Variants in TUBA8 observed in about 807,000 individuals in gnomAD.
The protein encoded by TUBA8 is tubulin alpha-8 chain.
TUBA8 carries 29 observed loss-of-function variants against 34.7 expected under a neutral mutation model. The observed-to-expected ratio is 0.84, with a 90% CI of 0.62 to 1.14. TUBA8 has a LOEUF of 1.14. Ranked by LOEUF, TUBA8 falls within the 50% of genes most tolerant of loss-of-function variation. TUBA8 has a pLI of 0.00. For missense variants in TUBA8, 541 were observed against 599.2 expected (o/e 0.90, Z 1.01); for synonymous variants, 226 against 231.2 (o/e 0.98, Z 0.21).
chr22:18,123,988 C>T, intron 2 of TUBA8, 168 bp from the exon 3 acceptor site: 2 of 793,384 alleles, frequency 2.5e-6, no homozygotes, highest in Non-Finnish European at 4.2e-6. Flanking sequence ...CCCTGAGCTA[C>T]CCGGGAATTC....
rs1484805330 is a variant in TUBA8 at position 18,119,697 on chromosome 22, G to A, written c.4-1782G>A. On this transcript the variant is annotated intron_variant, in intron 1 of 4. Coordinates refer to ENST00000330423, the MANE Select transcript of TUBA8 (RefSeq NM_018943.3). The surrounding 1 kb of genome is among the most constrained non-coding windows in gnomAD (Gnocchi z 5.9). ...CAGCTGTAGCACAGAGACAGGACTA[G>A]AGTGGGGGCACAGTTGTAAAATTGA... The A allele has an allele frequency of 6.6e-6, 1 of 152,510 alleles. No individual in the cohort carries two copies. The highest frequency in any genetic ancestry group is 1.5e-5 in the Non-Finnish European group (1 of 68,270). 9.4% of individuals were successfully genotyped at this position (152,510 alleles called of 1,614,324 possible).
In TUBA8 at chr22:18,121,674, A is replaced by T. The variant is rs746620644; in HGVS notation, c.199A>T (p.Met67Leu). The T allele has an allele frequency of 7.4e-6, 12 of 1,614,096 alleles. No homozygotes were observed. Among genetic ancestry groups the T allele is most frequent in the Non-Finnish European group, 1.0e-5 (12 of 1,180,038 alleles). ...GNGKHVPRAV[M>L]IDLEPTVVDE... is the part of the protein sequence containing the mutation. ...TGGGAAGCATGTGCCCCGGGCCGTC[A>T]TGATAGATCTGGAGCCTACTGTAGT... Residue 67 changes from methionine (M) to leucine (L), a missense_variant, in exon 2 of 5, where the codon ATG becomes TTG. Coordinates refer to ENST00000330423, the MANE Select transcript of TUBA8 (RefSeq NM_018943.3). The surrounding 1 kb of genome is among the most constrained non-coding windows in gnomAD (Gnocchi z 4.8).
chr22:18,126,423 T>C lies in TUBA8; in HGVS notation c.445T>C (p.Phe149Leu), dbSNP rs887982530. 21 of 1,613,964 alleles carry C rather than the reference T, an allele frequency of 1.3e-5. No homozygotes were observed. The highest frequency in any genetic ancestry group is 1.7e-5 in the Non-Finnish European group (20 of 1,180,014). The change falls in exon 4 of 5, where the codon TTC becomes CTC. Residue 149 changes from phenylalanine (F) to leucine (L), a missense_variant. Phe to Leu is a conservative substitution (Grantham distance 22). Coordinates refer to ENST00000330423, the MANE Select transcript of TUBA8 (RefSeq NM_018943.3). This position sits in a 1 kb window ranked among gnomAD's most constrained non-coding sequence, Gnocchi z 4.0. ...HSFGGGTGSG[F>L]TSLLMERLSL... ...TTTTGGTGGGGGCACTGGCTCCGGCTTCACTTCTCTGCTGATGGAACGCCT... is the reference window on the plus strand; with the variant it reads ...TTTTGGTGGGGGCACTGGCTCCGGCCTCACTTCTCTGCTGATGGAACGCCT...
Position 18,111,006 on chromosome 22 carries a change from C to A in TUBA8, c.3+138C>A. 7.6e-7 allele frequency: 1 copy of A among 1,320,822 alleles called. No homozygotes were observed. Among genetic ancestry groups the A allele is most frequent in the Middle Eastern group, 2.5e-4 (1 of 3,938 alleles). 81.8% of individuals were successfully genotyped at this position (1,320,822 alleles called of 1,614,324 possible). A position where few individuals can be genotyped will look rare whatever the true frequency, so the allele number is the denominator to read the frequency against. ...CCTTCTGGGGGTGGCAGTTCAGGGT[C>A]GAGGAGTCCGCACCCTCGGGCGGGA... On this transcript the variant is annotated intron_variant, in intron 1 of 4. Transcript: ENST00000330423. The surrounding 1 kb of genome is among the most constrained non-coding windows in gnomAD (Gnocchi z 5.1).
intron 2 of TUBA8, chr22:18,123,057 C>G (rs1274047339): frequency 7.6e-6 from 1 of 131,736 alleles, no homozygotes; most frequent in Non-Finnish European, 1.5e-5. Flanking sequence ...TTGCAGTGAG[C>G]CGAGATCGCG....
intron 4 of TUBA8, chr22:18,127,416 C>T (rs1471948246): frequency 6.4e-5 from 11 of 172,176 alleles, no homozygotes; most frequent in African/African-American, 1.1e-4. Context: ...TTTTTTGAGA[C>T]GGAGTCTCAC....
In TUBA8 at chr22:18,110,940, A is replaced by AG. The variant is rs1357199896; in HGVS notation, c.3+74dup. The AG allele has an allele frequency of 3.8e-4, 582 of 1,533,506 alleles. No individual in the cohort carries two copies. The highest frequency in any genetic ancestry group is 4.8e-4 in the Non-Finnish European group (547 of 1,146,134). The allele number at this position is 1,533,506 out of a possible 1,614,324, so 95.0% of individuals were successfully genotyped here. On this transcript the variant is annotated intron_variant, in intron 1 of 4. Transcript: ENST00000330423. This position sits in a 1 kb window ranked among gnomAD's most constrained non-coding sequence, Gnocchi z 6.2. ...AGGACCGAGAGCCGAGTCTACGCGG[A>AG]GGCGCACGGACCCGTCTTCCTGGAG... is the stretch of plus-strand genomic sequence containing the variant.
In TUBA8 at chr22:18,112,159, A is replaced by G. The variant is rs563947021; in HGVS notation, c.3+1291A>G. The G allele has an allele frequency of 2.0e-5, 3 of 152,274 alleles. No individual in the cohort carries two copies. In the East Asian group the frequency reaches 5.8e-4, roughly 29 times the overall value. The allele number at this position is 152,274 out of a possible 1,614,324, so 9.4% of individuals were successfully genotyped here. Reference sequence around the variant, plus strand: ...CAGGAAGGTCACTTAACCTCTCTGGATGTGTTTGTTTTACCTGCGAAATGA... The same window carrying G: ...CAGGAAGGTCACTTAACCTCTCTGGGTGTGTTTGTTTTACCTGCGAAATGA... On this transcript the variant is annotated intron_variant, in intron 1 of 4. Transcript: ENST00000330423.
intron 4 of TUBA8, chr22:18,128,567 G>C (rs1747170385): frequency 6.6e-6 from 1 of 152,172 alleles, no homozygotes; most frequent in African/African-American, 2.4e-5. Context: ...TTTCCCCTGA[G>C]ATGGAGTCTT....
rs967214736 is a variant in TUBA8 at position 18,126,171 on chromosome 22, A to G, written c.376-183A>G. The G allele has an allele frequency of 7.9e-6, 5 of 629,846 alleles. No homozygotes were observed. The highest frequency in any genetic ancestry group is 1.1e-5 in the Non-Finnish European group (4 of 360,404). The allele number at this position is 629,846 out of a possible 1,614,324, so 39.0% of individuals were successfully genotyped here. On this transcript the variant is annotated intron_variant, in intron 3 of 4. Coordinates refer to ENST00000330423, the MANE Select transcript of TUBA8 (RefSeq NM_018943.3). The surrounding 1 kb of genome is among the most constrained non-coding windows in gnomAD (Gnocchi z 4.0). ...GAGTCACTGTGCCTGGCCCCATCCC[A>G]TATTTTAGCCACTCCTCCAAAGATC...
At chr22:18,112,365 C>T (rs1927838784) in intron 1 of TUBA8, 1 of 152,174 alleles carries the variant, frequency 6.6e-6, no homozygotes, top group Admixed American at 6.5e-5. Flanking sequence ...TATTCCCTCC[C>T]TCCATAATTT....
At chr22:18,120,488 T>C (rs1375098813) in intron 1 of TUBA8, 1 of 152,230 alleles carries the variant, frequency 6.6e-6, no homozygotes, top group Admixed American at 6.5e-5. Flanking sequence ...CTGCGTAGTA[T>C]TCCATGGTGT....
rs1460762211 is a variant in TUBA8 at position 18,131,300 on chromosome 22, A to C, written c.*164A>C. The C allele has an allele frequency of 1.5e-6, 1 of 688,572 alleles. No individual in the cohort carries two copies. Among genetic ancestry groups the C allele is most frequent in the Non-Finnish European group, 2.5e-6 (1 of 404,494 alleles). The allele number at this position is 688,572 out of a possible 1,614,324, so 42.7% of individuals were successfully genotyped here. A position where few individuals can be genotyped will look rare whatever the true frequency, so the allele number is the denominator to read the frequency against. On this transcript the variant is annotated 3_prime_UTR_variant, in exon 5 of 5. Transcript: ENST00000330423. The surrounding 1 kb of genome is among the most constrained non-coding windows in gnomAD (Gnocchi z 5.3). ...AGGGTGGCACGACTGGGCTAAGTGG[A>C]CACTGAGCTTCATCAGGCCCTCCCT...
intron 2 of TUBA8, chr22:18,123,766 G>T (rs988947332): frequency 1.5e-5 from 4 of 272,928 alleles, no homozygotes; most frequent in Admixed American, 4.4e-5. Context: ...GTAGAGATGG[G>T]GTTTCACCGT....
Position 18,124,421 on chromosome 22 carries a change from C to G in TUBA8, c.375+117C>G. 7.8e-7 allele frequency: 1 copy of G among 1,283,074 alleles called. No homozygotes were observed. Among genetic ancestry groups the G allele is most frequent in the Non-Finnish European group, 1.1e-6 (1 of 949,466 alleles). 79.5% of individuals were successfully genotyped at this position (1,283,074 alleles called of 1,614,324 possible). On this transcript the variant is annotated intron_variant, in intron 3 of 4. Transcript: ENST00000330423. The surrounding 1 kb of genome is among the most constrained non-coding windows in gnomAD (Gnocchi z 4.3). ...GACCCCTGGCTATAGGATGGAGCTC[C>G]TAAGGTTTGGGAATTTCTGCTTAAA...
rs1459708539 is a variant in TUBA8, at chr22:18,111,305, G to T, written c.3+437G>T. On this transcript the variant is annotated intron_variant, in intron 1 of 4. Transcript: ENST00000330423. This position sits in a 1 kb window ranked among gnomAD's most constrained non-coding sequence, Gnocchi z 5.1. Reference sequence around the variant, plus strand: ...TCCGAACCCAGCCTAATGTGACAGGGCCCGGAATGTGACAGAGGACCTAGG... The same window carrying T: ...TCCGAACCCAGCCTAATGTGACAGGTCCCGGAATGTGACAGAGGACCTAGG... 4.8e-6 allele frequency: 1 copy of T among 210,288 alleles called. No individual in the cohort carries two copies. Among genetic ancestry groups the T allele is most frequent in the East Asian group, 1.2e-4 (1 of 8,656 alleles). 13.0% of individuals were successfully genotyped at this position (210,288 alleles called of 1,614,324 possible).
chr22:18,127,676 A>AT, intron 4 of TUBA8: 1 of 134,016 alleles, frequency 7.5e-6, no homozygotes, highest in Non-Finnish European at 1.5e-5. Context: ...TACAGGCGTG[A>AT]GCCACTGTGC....
rs1336979210 is a variant in TUBA8 at position 18,124,097 on chromosome 22, G to A, written c.227-59G>A. The A allele has an allele frequency of 3.7e-6, 6 of 1,609,110 alleles. No homozygotes were observed. In the African/African-American group the frequency reaches 5.3e-5, roughly 14 times the overall value. On this transcript the variant is annotated intron_variant, in intron 2 of 4. Transcript: ENST00000330423. The surrounding 1 kb of genome is among the most constrained non-coding windows in gnomAD (Gnocchi z 4.3). ...ACGGAAGGGGTCCTGCGGTAGTGTG[G>A]TAGGGAGGGAGGCTTCTCCCCTGGG...
intron 3 of TUBA8, chr22:18,125,171 T>C (rs183536893): frequency 2.6e-5 from 4 of 152,308 alleles, no homozygotes; most frequent in Admixed American, 2.0e-4. Flanking sequence ...TTTTATTTAA[T>C]TGTCACAATA....
Sources: allele counts gnomAD v4.1 joint callset, GRCh38; gene constraint gnomAD v4.1.1; non-coding constraint Gnocchi (gnomAD v3.1); transcripts MANE v1.5; gene names NCBI Gene and HGNC (gene_info 2026-07-23, HGNC 2026-07-21).